DGKG: variants seen among roughly 807,000 people sequenced by gnomAD.
DGKG encodes the protein DAG kinase gamma.
A neutral mutation model predicts 105.3 loss-of-function variants in DGKG; 78 were observed. The ratio of observed to expected loss-of-function variants is 0.74; its 90% CI spans 0.62 to 0.89. The LOEUF is 0.89. Among genes scored for constraint, DGKG ranks in the 40% least tolerant of loss-of-function variants. The probability of loss-of-function intolerance (pLI) is 0.00; values close to 1 mark genes in which losing one functional copy is unlikely to be tolerated. For synonymous variants in DGKG, 346 were observed against 367.1 expected (o/e 0.94, Z 0.66); for missense variants, 958 against 1,020.1 (o/e 0.94, Z 0.83).
chr3:186,204,847 G>T (rs1056514350), intron 21 of DGKG, among the ~76,000 whole-genome samples: 5 of 152,086 alleles, frequency 3.3e-5, no homozygotes, highest in Non-Finnish European at 7.4e-5. Flanking sequence ...TTGCTGAACC[G>T]CTCTCCAAAG....
At chr3:186,271,532 C>G (rs1032069543) in intron 11 of DGKG, among the ~76,000 whole-genome samples, 9 of 152,142 alleles carry the variant, frequency 5.9e-5, no homozygotes, top group Non-Finnish European at 1.3e-4. Context: ...GTTTCCCTCC[C>G]CTGATTTCTC....
intron 2 of DGKG, among the ~76,000 whole-genome samples, chr3:186,310,215 C>A (rs948477493): frequency 7.2e-6 from 1 of 138,776 alleles, no homozygotes; most frequent in Non-Finnish European, 1.5e-5. Context: ...TGCAATGAGC[C>A]GAGACCGCAC....
chr3:186,221,322 A>G (rs1417409754), intron 20 of DGKG, among the ~76,000 whole-genome samples: 2 of 152,160 alleles, frequency 1.3e-5, no homozygotes, highest in African/African-American at 4.8e-5. Context: ...AAGAGAAAAT[A>G]GCTCCTTTCC....
chr3:186,180,903 C>T (rs759679615), intron 22 of DGKG, among the ~76,000 whole-genome samples: 5 of 152,236 alleles, frequency 3.3e-5, no homozygotes, highest in African/African-American at 9.6e-5. Context: ...TTGAACCATA[C>T]GTGCTTGCAA....
At chr3:186,212,336 A>G (rs1490121181) in intron 20 of DGKG, among the ~76,000 whole-genome samples, 1 of 152,180 alleles carries the variant, frequency 6.6e-6, no homozygotes, top group Non-Finnish European at 1.5e-5. Flanking sequence ...CAGTCTTAGG[A>G]CAGAGGAGGG....
Position 186,243,895 on chromosome 3 carries a change from G to GTTTTTTTTTTTTT in DGKG, c.1762-1340_1762-1328dup, listed in dbSNP as rs34134152. On this transcript the variant is annotated intron_variant, in intron 19 of 24. Coordinates refer to ENST00000265022, the MANE Select transcript of DGKG (RefSeq NM_001346.3). ...CTATTTCTTATATGAAAATTTCTGT[G>GTTTTTTTTTTTTT]TTTTTTTTTTTTTTTTTTGAGATGG... Among the ~76,000 whole-genome samples the GTTTTTTTTTTTTT allele has an allele frequency of 2.1e-4, 25 of 116,318 alleles. 1 individual carries two copies. Among genetic ancestry groups the GTTTTTTTTTTTTT allele is most frequent in the African/African-American group, 8.3e-4 (23 of 27,558 alleles). The allele number at this position is 116,318 out of a possible 152,430, so 76.3% of individuals were successfully genotyped here. A position where few individuals can be genotyped will look rare whatever the true frequency, so the allele number is the denominator to read the frequency against.
chr3:186,233,690 A>G (rs1430989228), intron 20 of DGKG, among the ~76,000 whole-genome samples: 1 of 152,146 alleles, frequency 6.6e-6, no homozygotes, highest in Non-Finnish European at 1.5e-5. Flanking sequence ...TCACCGTGTC[A>G]GCCAGGATAG....
intron 21 of DGKG, among the ~76,000 whole-genome samples, chr3:186,205,808 G>C (rs1718703866): frequency 6.6e-6 from 1 of 152,036 alleles, no homozygotes; most frequent in African/African-American, 2.4e-5. Context: ...GTGAGGGGGA[G>C]TTGGGAGTAT....
intron 2 of DGKG, among the ~76,000 whole-genome samples, chr3:186,314,553 G>A (rs567432380): frequency 6.6e-6 from 1 of 152,096 alleles, no homozygotes; most frequent in East Asian, 1.9e-4. Flanking sequence ...TCAGGAGTTC[G>A]AGACCAGCCT....
At chr3:186,360,687 C>A (rs1307246440) in intron 1 of DGKG, among the ~76,000 whole-genome samples, 1 of 152,152 alleles carries the variant, frequency 6.6e-6, no homozygotes. Context: ...GCCCTGTGTG[C>A]CAGCAAGTGG....
chr3:186,195,812 CT>C (rs1718151532), intron 21 of DGKG, among the ~76,000 whole-genome samples: 2 of 152,136 alleles, frequency 1.3e-5, no homozygotes, highest in Admixed American at 1.3e-4. Flanking sequence ...ATTTTTAGAT[CT>C]ACAGGCTTGA....
chr3:186,162,224 G>A (rs1716327889), intron 23 of DGKG, among the ~76,000 whole-genome samples: 1 of 152,152 alleles, frequency 6.6e-6, no homozygotes, highest in African/African-American at 2.4e-5. Context: ...GCACTACAGG[G>A]GATTCTACTG....
chr3:186,272,405 C>T lies in DGKG; in HGVS notation c.911-62G>A. ...TAGCCACGTAGGAAAGGCCCAGCTG[C>T]CCTCCCACCCTAGCCAAGGTCTGTA... On this transcript the variant is annotated intron_variant, in intron 10 of 24. Coordinates refer to ENST00000265022, the MANE Select transcript of DGKG (RefSeq NM_001346.3). 4 of 1,207,658 alleles carry T rather than the reference C, an allele frequency of 3.3e-6. No individual in the cohort carries two copies. The South Asian group carries it at 3.7e-5, about 11-fold the overall frequency. 74.8% of individuals were successfully genotyped at this position (1,207,658 alleles called of 1,614,324 possible). A position where few individuals can be genotyped will look rare whatever the true frequency, so the allele number is the denominator to read the frequency against.
At chr3:186,355,989 C>T (rs571037719) in intron 1 of DGKG, among the ~76,000 whole-genome samples, 2 of 152,200 alleles carry the variant, frequency 1.3e-5, no homozygotes, top group Admixed American at 1.3e-4. Flanking sequence ...GCTTCTTTGA[C>T]AAGATTATTG....
chr3:186,199,231 G>C (rs942464909), intron 21 of DGKG, among the ~76,000 whole-genome samples: 3 of 151,822 alleles, frequency 2.0e-5, no homozygotes, highest in Admixed American at 6.6e-5. Flanking sequence ...TTACAGGCAT[G>C]AGCCACCACG....
intron 13 of DGKG, 44 bp from the exon 14 acceptor site, chr3:186,265,350 C>A (rs780416343): frequency 6.4e-7 from 1 of 1,574,568 alleles, no homozygotes; most frequent in Non-Finnish European, 8.7e-7. Context: ...GAAAAAGAAG[C>A]CTAACACAAA....
At chr3:186,175,773 A>G (rs1170318289) in intron 22 of DGKG, among the ~76,000 whole-genome samples, 1 of 152,240 alleles carries the variant, frequency 6.6e-6, no homozygotes, top group Admixed American at 6.5e-5. Flanking sequence ...GCTTCTGCAC[A>G]GCAAAAGAAA....
At chr3:186,171,727 T>C (rs931249504) in intron 22 of DGKG, among the ~76,000 whole-genome samples, 6 of 152,258 alleles carry the variant, frequency 3.9e-5, no homozygotes, top group African/African-American at 1.4e-4. Context: ...TTGCCCAGAT[T>C]GTACTGGGTA....
intron 1 of DGKG, among the ~76,000 whole-genome samples, chr3:186,337,232 A>G (rs1725871781): frequency 6.6e-6 from 1 of 152,226 alleles, no homozygotes; most frequent in Non-Finnish European, 1.5e-5. Flanking sequence ...ATAAAATAGT[A>G]AAATTCAGTA....
Sources: gnomAD v4.1 joint callset for allele counts (sites outside exome capture counted in the v4.1 genomes callset) on GRCh38, gnomAD v4.1.1 for gene constraint, MANE v1.5 for transcripts, NCBI Gene and HGNC (gene_info 2026-07-23, HGNC 2026-07-21) for gene names.